Variants in SLC22A3 observed in about 807,000 individuals in gnomAD.
SLC22A3 encodes the protein EMT organic cation transporter 3.
SLC22A3 carries 51 observed loss-of-function variants against 59.1 expected under a neutral mutation model. The observed-to-expected ratio is 0.86, with a 90% CI of 0.69 to 1.09. SLC22A3 has a LOEUF of 1.09. Ranked by LOEUF, SLC22A3 falls within the 50% of genes least tolerant of loss-of-function variation. The pLI is 0.00. For missense variants in SLC22A3, 711 were observed against 726.3 expected (o/e 0.98, Z 0.24); for synonymous variants, 325 against 292.0 (o/e 1.11, Z -1.15).
At chr6:160,363,695 G>T (rs531301572) in intron 1 of SLC22A3, among the ~76,000 whole-genome samples, 1 of 152,138 alleles carries the variant, frequency 6.6e-6, no homozygotes, top group South Asian at 2.1e-4. Context: ...GTTTCCAAGC[G>T]CCTGCATGTC....
chr6:160,355,597 TAA>T (rs771723533), intron 1 of SLC22A3, among the ~76,000 whole-genome samples: 2 of 143,528 alleles, frequency 1.4e-5, no homozygotes, highest in Non-Finnish European at 3.0e-5. Flanking sequence ...CCGTCTCTAC[TAA>T]AAAAAAAAAA....
intron 1 of SLC22A3, among the ~76,000 whole-genome samples, chr6:160,381,204 G>A (rs886214754): frequency 4.6e-5 from 7 of 152,142 alleles, no homozygotes; most frequent in Admixed American, 1.3e-4. Flanking sequence ...TGTAGGAGCT[G>A]TTCTTATTCT....
At chr6:160,433,525 C>A (rs925479232) in intron 5 of SLC22A3, among the ~76,000 whole-genome samples, 1 of 151,098 alleles carries the variant, frequency 6.6e-6, no homozygotes, top group Admixed American at 6.6e-5. Flanking sequence ...TCTACTACTA[C>A]TACTACTACT....
chr6:160,435,430 G>A (rs183127666), intron 5 of SLC22A3, among the ~76,000 whole-genome samples: 2 of 152,228 alleles, frequency 1.3e-5, no homozygotes, highest in African/African-American at 4.8e-5. Context: ...AATGTGTCTT[G>A]GTATAGAAGA....
intron 1 of SLC22A3, among the ~76,000 whole-genome samples, chr6:160,352,207 T>C (rs891736314): frequency 6.6e-6 from 1 of 152,248 alleles, no homozygotes; most frequent in African/African-American, 2.4e-5. Flanking sequence ...CAACTTGAGA[T>C]AGTTCTAAGA....
intron 1 of SLC22A3, among the ~76,000 whole-genome samples, chr6:160,350,031 C>A (rs1784608741): frequency 6.6e-6 from 1 of 152,040 alleles, no homozygotes; most frequent in South Asian, 2.1e-4. Flanking sequence ...TGCAATTGTA[C>A]ATGTTTTATA....
chr6:160,439,540 AG>A (rs543548393), intron 7 of SLC22A3, among the ~76,000 whole-genome samples: 318 of 152,348 alleles, frequency 2.1e-3, no homozygotes, highest in African/African-American at 7.3e-3. Context: ...GTCCAAATCA[AG>A]ACAGAAGTAA....
At chr6:160,365,960 T>A (rs1252807412) in intron 1 of SLC22A3, among the ~76,000 whole-genome samples, 2 of 152,088 alleles carry the variant, frequency 1.3e-5, no homozygotes, top group East Asian at 1.9e-4. Flanking sequence ...CTCACTATCA[T>A]GAGAACAGCA....
intron 1 of SLC22A3, among the ~76,000 whole-genome samples, chr6:160,381,083 C>A (rs1318613626): frequency 6.6e-6 from 1 of 152,038 alleles, no homozygotes; most frequent in Non-Finnish European, 1.5e-5. Flanking sequence ...TACAAAAAGC[C>A]CAAACTTTAT....
At chr6:160,405,785 C>T (rs76244147) in intron 2 of SLC22A3, among the ~76,000 whole-genome samples, 2,037 of 151,998 alleles carry the variant, frequency 0.013, 40 homozygotes, top group Middle Eastern at 0.075. Context: ...ATAGAGGAAA[C>T]GTAAGTACTT....
chr6:160,400,455 T>C (rs947048631), intron 2 of SLC22A3, among the ~76,000 whole-genome samples: 1 of 152,052 alleles, frequency 6.6e-6, no homozygotes, highest in Non-Finnish European at 1.5e-5. Flanking sequence ...AGGAGAGGGA[T>C]AGAGAAGCAT....
intron 1 of SLC22A3, among the ~76,000 whole-genome samples, chr6:160,362,675 C>A (rs567473060): frequency 6.6e-6 from 1 of 152,258 alleles, no homozygotes; most frequent in East Asian, 1.9e-4. Flanking sequence ...CGGGTGGGGG[C>A]GGGCCAGACG....
intron 5 of SLC22A3, among the ~76,000 whole-genome samples, chr6:160,422,878 AC>A (rs1787798169): frequency 6.6e-6 from 1 of 152,112 alleles, no homozygotes; most frequent in Non-Finnish European, 1.5e-5. Context: ...CATGTGCACA[AC>A]GTGCAGGTTT....
chr6:160,357,728 A>G (rs1784889794), intron 1 of SLC22A3, among the ~76,000 whole-genome samples: 1 of 152,236 alleles, frequency 6.6e-6, no homozygotes, highest in South Asian at 2.1e-4. Flanking sequence ...AAAAACATTA[A>G]CTACCCAGGG....
Position 160,437,156 on chromosome 6 carries a change from G to C in SLC22A3, c.1233G>C (p.Ala411=), listed in dbSNP as rs2292334. ...GCCTTGGACGACGCCTCCCCTTTGC[G>C]GCAAGCAATATAGTGGCAGGGGTGG... ...IERLGRRLPF[A]ASNIVAGVAC... The change falls in exon 7 of 11, where the codon GCG becomes GCC. Residue 411 remains alanine (A), a synonymous_variant. Transcript: ENST00000275300. 4 of 1,613,922 alleles carry C rather than the reference G, an allele frequency of 2.5e-6. No homozygotes were observed. The South Asian group carries it at 4.4e-5, about 18-fold the overall frequency.
intron 5 of SLC22A3, among the ~76,000 whole-genome samples, chr6:160,422,743 T>C (rs912735750): frequency 2.6e-5 from 4 of 151,282 alleles, no homozygotes; most frequent in African/African-American, 9.7e-5. Context: ...GGGAGAAGGA[T>C]TTAGATGATG....
intron 1 of SLC22A3, among the ~76,000 whole-genome samples, chr6:160,385,506 C>A (rs531424305): frequency 6.6e-6 from 1 of 152,318 alleles, no homozygotes; most frequent in Admixed American, 6.5e-5. Flanking sequence ...TAAGCCCTCC[C>A]TTCAGGTGCT....
At chr6:160,426,540 T>G (rs995475464) in intron 5 of SLC22A3, among the ~76,000 whole-genome samples, 1 of 152,150 alleles carries the variant, frequency 6.6e-6, no homozygotes, top group Non-Finnish European at 1.5e-5. Context: ...TGAAGTGGAG[T>G]GTGCTGTGTG....
At chr6:160,450,941 C>T (rs1788936221) in intron 10 of SLC22A3, 55 bp from the exon 11 acceptor site, 2 of 1,477,450 alleles carry the variant, frequency 1.4e-6, no homozygotes, top group Admixed American at 1.9e-5. Context: ...ACAGAACACC[C>T]TCTTCTAACT....
Sources: gnomAD v4.1 joint callset for allele counts (sites outside exome capture counted in the v4.1 genomes callset) on GRCh38, gnomAD v4.1.1 for gene constraint, MANE v1.5 for transcripts, NCBI Gene and HGNC (gene_info 2026-07-23, HGNC 2026-07-21) for gene names.